Variants in FAM107B observed in about 807,000 individuals in gnomAD.
FAM107B encodes the protein protein FAM107B.
Under a neutral mutation model 31.5 loss-of-function variants are expected in FAM107B, and 21 were observed. The observed-to-expected ratio is 0.67, with a 90% CI of 0.47 to 0.96. The LOEUF is 0.96. Ranked by LOEUF, FAM107B falls within the 40% of genes least tolerant of loss-of-function variation. The pLI is 0.00. For synonymous variants in FAM107B, 157 were observed against 141.5 expected (o/e 1.11, Z -0.78); for missense variants, 452 against 377.1 (o/e 1.20, Z -1.64).
At chr10:14,532,195 T>C (rs2130867498) in intron 2 of FAM107B, among the ~76,000 whole-genome samples, 1 of 152,270 alleles carries the variant, frequency 6.6e-6, no homozygotes, top group Admixed American at 6.5e-5. Flanking sequence ...CTTAAGCACC[T>C]TGTGGGCTTC....
At chr10:14,565,625 C>T (rs1324273888) in intron 2 of FAM107B, among the ~76,000 whole-genome samples, 4 of 152,168 alleles carry the variant, frequency 2.6e-5, no homozygotes, top group African/African-American at 9.7e-5. Flanking sequence ...TGCTTGAGCT[C>T]ACAAGTTAGG....
At chr10:14,640,229 G>A (rs1276157727) in intron 2 of FAM107B, among the ~76,000 whole-genome samples, 1 of 152,228 alleles carries the variant, frequency 6.6e-6, no homozygotes, top group Non-Finnish European at 1.5e-5. Context: ...AGGCCACAAA[G>A]CATATGTGAT....
chr10:14,773,005 C>T (rs1833342171), intron 1 of FAM107B, among the ~76,000 whole-genome samples: 1 of 152,158 alleles, frequency 6.6e-6, no homozygotes. Flanking sequence ...GCCATGAATT[C>T]TAATCAGCTA....
intron 2 of FAM107B, among the ~76,000 whole-genome samples, chr10:14,605,008 C>T (rs1420363907): frequency 6.6e-6 from 1 of 152,182 alleles, no homozygotes; most frequent in Non-Finnish European, 1.5e-5. Flanking sequence ...CGGGCTCCGT[C>T]TCCCCGGCAA....
At chr10:14,622,513 GCCAGGCTGGTCTGGAACTCCTGA>G (rs1372787290) in intron 2 of FAM107B, among the ~76,000 whole-genome samples, 1 of 152,058 alleles carries the variant, frequency 6.6e-6, no homozygotes, top group Non-Finnish European at 1.5e-5. Context: ...CACTATGTTG[GCCAGGCTGGTCTGGAACTCCTGA>G]CCTCGTGATC....
At chr10:14,761,702 C>T (rs1029678514) in intron 1 of FAM107B, among the ~76,000 whole-genome samples, 3 of 152,020 alleles carry the variant, frequency 2.0e-5, no homozygotes, top group Admixed American at 6.6e-5. Context: ...CAGATTCAAG[C>T]GATTCTCCCA....
At chr10:14,749,789 G>GA (rs1832792790) in intron 1 of FAM107B, among the ~76,000 whole-genome samples, 1 of 152,196 alleles carries the variant, frequency 6.6e-6, no homozygotes, top group African/African-American at 2.4e-5. Flanking sequence ...CATGTCTTTT[G>GA]AGAAAAGGCA....
intron 2 of FAM107B, among the ~76,000 whole-genome samples, chr10:14,566,703 G>A (rs538273199): frequency 2.0e-5 from 3 of 152,348 alleles, no homozygotes; most frequent in Admixed American, 6.5e-5. Context: ...AGTAGAACAT[G>A]CTCTCAAAAT....
intron 2 of FAM107B, among the ~76,000 whole-genome samples, chr10:14,629,143 A>G (rs1362140420): frequency 1.4e-5 from 2 of 145,314 alleles, no homozygotes; most frequent in Non-Finnish European, 3.0e-5. Context: ...AAGGAGTTTA[A>G]CTTTCTAAGT....
intron 1 of FAM107B, among the ~76,000 whole-genome samples, chr10:14,681,217 A>T (rs192585087): frequency 2.4e-4 from 37 of 152,308 alleles, no homozygotes; most frequent in Admixed American, 2.0e-3. Flanking sequence ...ACCTGGCCCT[A>T]CCCCTCTTCA....
At chr10:14,619,252 G>T (rs143755208) in intron 2 of FAM107B, among the ~76,000 whole-genome samples, 8 of 152,112 alleles carry the variant, frequency 5.3e-5, no homozygotes, top group Admixed American at 3.3e-4. Context: ...ACGGTCAGTC[G>T]GTGTACATTT....
chr10:14,583,854 T>C (rs1588633524), intron 2 of FAM107B, among the ~76,000 whole-genome samples: 1 of 152,186 alleles, frequency 6.6e-6, no homozygotes, highest in East Asian at 1.9e-4. Context: ...AGGCCACCCC[T>C]CAGGATCCAG....
Position 14,774,341 on chromosome 10 carries a change from A to G in FAM107B, c.323T>C (p.Val108Ala). ...CGCCCCATCATCCAGGGACCCGGGC[A>G]CATCTTCAGGCGTCTCCGCGGGCTG... ...AAQPAETPEDVPGSLDDGADC... is the reference protein window; with the variant it reads ...AAQPAETPEDAPGSLDDGADC... Residue 108 changes from valine to alanine, a missense_variant, in exon 1 of 5, where the codon GTG becomes GCG. Physicochemically the swap from Val to Ala is moderately conservative, Grantham distance 64. Transcript: ENST00000181796. The G allele has an allele frequency of 6.2e-7, 1 of 1,614,230 alleles. No homozygotes were observed. Among genetic ancestry groups the G allele is most frequent in the South Asian group, 1.1e-5 (1 of 91,078 alleles).
chr10:14,559,515 T>A (rs1850047116), intron 2 of FAM107B, among the ~76,000 whole-genome samples: 1 of 150,864 alleles, frequency 6.6e-6, no homozygotes, highest in Non-Finnish European at 1.5e-5. Context: ...CCCTAAGCAA[T>A]TTCAGCACCA....
At chr10:14,587,048 C>T (rs922545196) in intron 2 of FAM107B, among the ~76,000 whole-genome samples, 23 of 152,162 alleles carry the variant, frequency 1.5e-4, no homozygotes, top group African/African-American at 4.1e-4. Flanking sequence ...ATCACAACAC[C>T]ACCTTGGGGG....
At chr10:14,540,037 G>T (rs7083716) in intron 2 of FAM107B, among the ~76,000 whole-genome samples, 150,480 of 152,322 alleles carry the variant, frequency 0.99, 74,350 homozygotes, top group East Asian at 1. Context: ...TGACACACAG[G>T]CAGAGCCTGC....
chr10:14,666,633 G>GT (rs1564619350), intron 2 of FAM107B, among the ~76,000 whole-genome samples: 2 of 152,162 alleles, frequency 1.3e-5, no homozygotes, highest in African/African-American at 2.4e-5. Context: ...GGTTGGGAAC[G>GT]TTTTCTCTGG....
intron 1 of FAM107B, among the ~76,000 whole-genome samples, chr10:14,718,910 G>A (rs933621497): frequency 6.6e-6 from 1 of 152,162 alleles, no homozygotes; most frequent in Non-Finnish European, 1.5e-5. Flanking sequence ...GACTCTCAAC[G>A]ACCTTGAGAG....
chr10:14,593,128 C>A (rs1029567795), intron 2 of FAM107B, among the ~76,000 whole-genome samples: 2 of 152,094 alleles, frequency 1.3e-5, no homozygotes, highest in Non-Finnish European at 2.9e-5. Flanking sequence ...TGAACGAAGT[C>A]TTTTTAAATT....
Sources: allele counts gnomAD v4.1 joint callset (sites outside exome capture counted in the v4.1 genomes callset), GRCh38; gene constraint gnomAD v4.1.1; transcripts MANE v1.5; gene names NCBI Gene and HGNC (gene_info 2026-07-23, HGNC 2026-07-21).